The following TMEM117 variants were observed in gnomAD, a reference collection of about 807,000 sequenced individuals.
The protein encoded by TMEM117 is transmembrane protein 117.
TMEM117 carries 27 observed loss-of-function variants against 52.4 expected under a neutral mutation model. The ratio of observed to expected loss-of-function variants is 0.51; its 90% CI spans 0.38 to 0.71. TMEM117 has a LOEUF of 0.71. TMEM117 is among the 30% of genes least tolerant of loss of function. TMEM117 has a pLI of 0.00. For missense variants in TMEM117, 556 were observed against 630.5 expected (o/e 0.88, Z 1.26); for synonymous variants, 215 against 206.3 (o/e 1.04, Z -0.36).
intron 3 of TMEM117, among the ~76,000 whole-genome samples, chr12:44,128,744 C>T (rs1313154619): frequency 1.3e-5 from 2 of 152,148 alleles, no homozygotes; most frequent in African/African-American, 4.8e-5. Flanking sequence ...TATGTATGCC[C>T]AGCAGATTTA....
At chr12:43,864,973 G>T (rs1357031594) in intron 2 of TMEM117, among the ~76,000 whole-genome samples, 1 of 151,874 alleles carries the variant, frequency 6.6e-6, no homozygotes, top group Non-Finnish European at 1.5e-5. Context: ...TTCCAGACCC[G>T]CCACCTTAAG....
intron 3 of TMEM117, among the ~76,000 whole-genome samples, chr12:44,141,913 A>G (rs1035552637): frequency 1.1e-4 from 17 of 152,188 alleles, no homozygotes; most frequent in African/African-American, 3.9e-4. Flanking sequence ...TTTATCTTAA[A>G]GGGAAATAAG....
intron 6 of TMEM117, among the ~76,000 whole-genome samples, chr12:44,335,830 A>G: frequency 6.6e-6 from 1 of 152,066 alleles, no homozygotes. Flanking sequence ...CTTAAACAGT[A>G]GAATACATTA....
intron 3 of TMEM117, among the ~76,000 whole-genome samples, chr12:44,099,654 T>C (rs1026954276): frequency 7.2e-5 from 11 of 152,014 alleles, no homozygotes; most frequent in African/African-American, 2.4e-4. Flanking sequence ...CATTGGCGAA[T>C]TGGGTGGAGT....
At chr12:44,207,804 A>T (rs768013933) in intron 4 of TMEM117, among the ~76,000 whole-genome samples, 32 of 106,064 alleles carry the variant, frequency 3.0e-4, no homozygotes, top group African/African-American at 3.9e-4. Flanking sequence ...TGCCCTAAAT[A>T]AAAAAAAAAA....
chr12:44,355,092 A>G (rs1951628485), intron 6 of TMEM117, among the ~76,000 whole-genome samples: 1 of 152,084 alleles, frequency 6.6e-6, no homozygotes, highest in Non-Finnish European at 1.5e-5. Flanking sequence ...TATTATTTCC[A>G]AAGGCTAAGG....
At chr12:44,187,733 C>T (rs1949297121) in intron 4 of TMEM117, among the ~76,000 whole-genome samples, 1 of 152,038 alleles carries the variant, frequency 6.6e-6, no homozygotes, top group East Asian at 1.9e-4. Context: ...CCCTTTTGGC[C>T]ACCAGTATTT....
At chr12:43,967,372 C>T (rs79186285) in intron 3 of TMEM117, among the ~76,000 whole-genome samples, 4,172 of 152,252 alleles carry the variant, frequency 0.027, 140 homozygotes, top group East Asian at 0.2. Context: ...GATCCTCCCA[C>T]TTGGATTCCT....
At chr12:43,828,593 G>C in the TMEM117 span, among the ~76,000 whole-genome samples, 2 of 152,184 alleles carry the variant, frequency 1.3e-5, no homozygotes, top group Non-Finnish European at 2.9e-5. Flanking sequence ...ATGAAACAAA[G>C]AAATAATTTT....
chr12:44,147,784 T>C (rs1333108362), intron 4 of TMEM117, among the ~76,000 whole-genome samples: 1 of 151,842 alleles, frequency 6.6e-6, no homozygotes, highest in Non-Finnish European at 1.5e-5. Context: ...ATACAAAAAT[T>C]AGCTGGATAT....
chr12:44,012,389 T>C (rs911997430), intron 3 of TMEM117, among the ~76,000 whole-genome samples: 1 of 151,716 alleles, frequency 6.6e-6, no homozygotes, highest in Non-Finnish European at 1.5e-5. Flanking sequence ...ATATTGTTTC[T>C]GTTTTTGTTT....
chr12:43,867,487 A>AT (rs934595387), intron 2 of TMEM117, among the ~76,000 whole-genome samples: 39 of 152,306 alleles, frequency 2.6e-4, no homozygotes, highest in African/African-American at 9.1e-4. Context: ...CAACTGTATA[A>AT]TTTTTTACGC....
At chr12:43,903,046 C>T (rs1944330440) in intron 2 of TMEM117, among the ~76,000 whole-genome samples, 1 of 152,142 alleles carries the variant, frequency 6.6e-6, no homozygotes, top group Admixed American at 6.5e-5. Flanking sequence ...TAACTTTACT[C>T]TTCCCAGTTT....
intron 2 of TMEM117, among the ~76,000 whole-genome samples, chr12:43,926,647 C>T (rs899734245): frequency 4.6e-5 from 7 of 152,016 alleles, no homozygotes; most frequent in Non-Finnish European, 7.4e-5. Context: ...TTCTCTTTAC[C>T]GAAAGGTGCT....
chr12:44,013,083 T>C (rs1946320476), intron 3 of TMEM117, among the ~76,000 whole-genome samples: 1 of 151,786 alleles, frequency 6.6e-6, no homozygotes, highest in Non-Finnish European at 1.5e-5. Context: ...TGTCCAGTAA[T>C]GGCGTGAACA....
At chr12:43,908,687 G>A (rs1944436751) in intron 2 of TMEM117, among the ~76,000 whole-genome samples, 1 of 151,896 alleles carries the variant, frequency 6.6e-6, no homozygotes, top group African/African-American at 2.4e-5. Context: ...AAAAGGCAGG[G>A]GTTGCAATCC....
At chr12:44,121,560 T>G (rs1948235061) in intron 3 of TMEM117, among the ~76,000 whole-genome samples, 1 of 152,192 alleles carries the variant, frequency 6.6e-6, no homozygotes, top group Non-Finnish European at 1.5e-5. Flanking sequence ...TAGCTTAACA[T>G]ATTGTACAAA....
chr12:44,151,045 A>G (rs1195118789), intron 4 of TMEM117, among the ~76,000 whole-genome samples: 2 of 152,134 alleles, frequency 1.3e-5, no homozygotes, highest in Non-Finnish European at 2.9e-5. Context: ...TATAAATTTT[A>G]TATTCATATT....
At chr12:43,813,874 CCCT>C in the TMEM117 span, among the ~76,000 whole-genome samples, 1 of 151,708 alleles carries the variant, frequency 6.6e-6, no homozygotes, top group Non-Finnish European at 1.5e-5. Flanking sequence ...TCCTTTTTTT[CCCT>C]CCCTCCCTTA....
Sources: gnomAD v4.1 joint callset for allele counts (sites outside exome capture counted in the v4.1 genomes callset) on GRCh38, gnomAD v4.1.1 for gene constraint, MANE v1.5 for transcripts, NCBI Gene and HGNC (gene_info 2026-07-23, HGNC 2026-07-21) for gene names.